Variants in ZNF627 observed in about 807,000 individuals in gnomAD.
ZNF627 encodes zinc finger protein 627.
ZNF627 carries 12 observed loss-of-function variants against 10.6 expected under a neutral mutation model. The ratio of observed to expected loss-of-function variants is 1.13; its 90% CI spans 0.73 to 1.84. The LOEUF is 1.84. ZNF627 is among the 40% of genes most tolerant of loss of function. ZNF627 has a pLI of 0.00. For missense variants in ZNF627, 504 were observed against 568.4 expected, an observed-to-expected ratio of 0.89 and a Z score of 1.15; for synonymous variants, 176 against 187.1, an observed-to-expected ratio of 0.94 and a Z score of 0.48.
Position 11,598,933 on chromosome 19 carries a change from A to G in ZNF627, c.3+1303A>G, listed in dbSNP as rs562652711. ...GCCATGGCTCATGTCTGTAATCCCA[A>G]CACTTTGGGAGGCCAAGGCGGGAGG... On this transcript the variant is annotated intron_variant, in intron 1 of 3. Coordinates refer to ENST00000361113, the MANE Select transcript of ZNF627 (RefSeq NM_145295.4). Among the ~76,000 whole-genome samples the G allele has an allele frequency of 6.6e-5, 10 of 152,196 alleles. No individual in the cohort carries two copies. The South Asian group carries it at 1.2e-3, about 19-fold the overall frequency.
At chr19:11,615,346 A>C (rs915530918) in intron 3 of ZNF627, among the ~76,000 whole-genome samples, 1 of 149,622 alleles carries the variant, frequency 6.7e-6, no homozygotes, top group Non-Finnish European at 1.5e-5. Flanking sequence ...CACGCCTGTA[A>C]TCCCAGCACT....
chr19:11,617,510 A>G lies in ZNF627; in HGVS notation c.1007A>G (p.Lys336Arg). The G allele has an allele frequency of 6.2e-7, 1 of 1,613,754 alleles. No homozygotes were observed. The highest frequency in any genetic ancestry group is 1.7e-5 in the Admixed American group (1 of 59,990). Reference sequence around the variant, plus strand: ...AAGCACACTGGCAATGGACCTTATAAATGTAAGGTGTGTGGGAAAGCCTTT... The same window carrying G: ...AAGCACACTGGCAATGGACCTTATAGATGTAAGGTGTGTGGGAAAGCCTTT... ...MIKHTGNGPY[K>R]CKVCGKAFDF... Residue 336 changes from lysine to arginine, a missense_variant, in exon 4 of 4, where the codon AAA becomes AGA. By Grantham distance (26) the Lys-to-Arg change is conservative. Coordinates refer to ENST00000361113, the MANE Select transcript of ZNF627 (RefSeq NM_145295.4).
chr19:11,614,871 C>A lies in ZNF627; in HGVS notation c.175C>A (p.Pro59Thr). 6.2e-7 allele frequency: 1 copy of A among 1,606,624 alleles called. No homozygotes were observed. The highest frequency in any genetic ancestry group is 8.5e-7 in the Non-Finnish European group (1 of 1,177,702). Reference protein sequence around the residue: ...DQNIEDPFKIPRRNISHIPER... With the variant: ...DQNIEDPFKITRRNISHIPER... The stretch of plus-strand genomic sequence containing the variant: ...GAACATTGAAGACCCATTCAAAATT[C>A]CCAGGAGAAATATAAGGTAATTTGC... The change falls in exon 3 of 4, where the codon CCC becomes ACC. Residue 59 changes from proline to threonine, a missense_variant. Coordinates refer to ENST00000361113, the MANE Select transcript of ZNF627 (RefSeq NM_145295.4).
intron 1 of ZNF627, among the ~76,000 whole-genome samples, chr19:11,603,606 G>A (rs994565546): frequency 6.6e-6 from 1 of 151,702 alleles, no homozygotes; most frequent in African/African-American, 2.4e-5. Flanking sequence ...TCTGTTTTTT[G>A]TGGAAGTGAT....
chr19:11,617,986 C>A lies in ZNF627; in HGVS notation c.*97C>A. 1.8e-6 allele frequency: 2 copies of A among 1,087,282 alleles called. No homozygotes were observed. The highest frequency in any genetic ancestry group is 1.3e-6 in the Non-Finnish European group (1 of 778,014). 67.4% of individuals were successfully genotyped at this position (1,087,282 alleles called of 1,614,324 possible). On this transcript the variant is annotated 3_prime_UTR_variant, in exon 4 of 4. Transcript: ENST00000361113. Reference sequence around the variant, plus strand: ...TCTTTCAACTACGTGAAAGGATTCACAGTGGAGAAAGACCCTGTAAGATAA... The same window carrying A: ...TCTTTCAACTACGTGAAAGGATTCAAAGTGGAGAAAGACCCTGTAAGATAA...
intron 1 of ZNF627, among the ~76,000 whole-genome samples, chr19:11,607,027 G>A (rs1973687009): frequency 6.6e-6 from 1 of 152,182 alleles, no homozygotes; most frequent in South Asian, 2.1e-4. Flanking sequence ...GGTCTGTGAT[G>A]TGTCCTGGAG....
At chr19:11,610,151 A>G (rs1297824355) in intron 1 of ZNF627, among the ~76,000 whole-genome samples, 1 of 150,496 alleles carries the variant, frequency 6.6e-6, no homozygotes, top group Non-Finnish European at 1.5e-5. Context: ...TCCCGGGTTC[A>G]AGCAATTCTT....
At chr19:11,610,192 C>G (rs1006015254) in intron 1 of ZNF627, among the ~76,000 whole-genome samples, 8 of 151,760 alleles carry the variant, frequency 5.3e-5, no homozygotes, top group African/African-American at 9.7e-5. Context: ...TTCTTCTGAG[C>G]CCAGAAAAGG....
intron 1 of ZNF627, among the ~76,000 whole-genome samples, chr19:11,611,050 A>G (rs1195733878): frequency 6.6e-6 from 1 of 151,860 alleles, no homozygotes; most frequent in East Asian, 1.9e-4. Context: ...ACGGGGTTTT[A>G]CCATGTTGGC....
intron 1 of ZNF627, among the ~76,000 whole-genome samples, chr19:11,602,765 T>G (rs1368976978): frequency 6.6e-6 from 1 of 152,192 alleles, no homozygotes; most frequent in African/African-American, 2.4e-5. Context: ...AAATGGTATA[T>G]GAAAAAAGAC....
chr19:11,600,648 T>C (rs1973569580), intron 1 of ZNF627, among the ~76,000 whole-genome samples: 1 of 152,028 alleles, frequency 6.6e-6, no homozygotes, highest in Admixed American at 6.6e-5. Context: ...GTGTAGCAAA[T>C]AAATTGGTGA....
chr19:11,609,472 T>TATATATAC (rs1973730579), intron 1 of ZNF627, among the ~76,000 whole-genome samples: 4 of 1,520 alleles, frequency 2.6e-3, no homozygotes, highest in Non-Finnish European at 5.6e-3. Context: ...TAAAAAATTT[T>TATATATAC]ATATATATAT....
In ZNF627 at chr19:11,616,818, G is replaced by A. The variant is rs1418311288; in HGVS notation, c.315G>A (p.Val105=). Residue 105 remains valine, a synonymous_variant, in exon 4 of 4, where the codon GTG becomes GTA. Transcript: ENST00000361113. ...TPGVKPCESS[V]CGEVGMGPSS... ...GAGTAAAACCGTGTGAAAGCAGTGT[G>A]TGTGGAGAAGTTGGCATGGGTCCTT... is the stretch of plus-strand genomic sequence containing the variant. 1 of 1,614,104 alleles carries A rather than the reference G, an allele frequency of 6.2e-7. No individual in the cohort carries two copies. The highest frequency in any genetic ancestry group is 1.1e-5 in the South Asian group (1 of 91,084).
In ZNF627 at chr19:11,616,831, G is replaced by A. The variant is rs1973876090; in HGVS notation, c.328G>A (p.Gly110Ser). The A allele has an allele frequency of 6.2e-7, 1 of 1,613,930 alleles. No homozygotes were observed. Among genetic ancestry groups the A allele is most frequent in the Non-Finnish European group, 8.5e-7 (1 of 1,179,994 alleles). Residue 110 changes from glycine (G) to serine (S), a missense_variant, in exon 4 of 4, where the codon GGC (glycine) becomes AGC (serine). Gly to Ser is a moderately conservative substitution (Grantham distance 56). Coordinates refer to ENST00000361113, the MANE Select transcript of ZNF627 (RefSeq NM_145295.4). ...TGAAAGCAGTGTGTGTGGAGAAGTT[G>A]GCATGGGTCCTTCATCACTTAATAG... ...PCESSVCGEV[G>S]MGPSSLNRHI...
chr19:11,602,020 A>AAAAAAAAAAAAAAG (rs1973594646), intron 1 of ZNF627, among the ~76,000 whole-genome samples: 1 of 151,454 alleles, frequency 6.6e-6, no homozygotes, highest in Non-Finnish European at 1.5e-5. Context: ...AAAAAAAAAA[A>AAAAAAAAAAAAAAG]AAAAAAAAAA....
intron 1 of ZNF627, among the ~76,000 whole-genome samples, chr19:11,612,704 A>G (rs1973793348): frequency 1.3e-5 from 2 of 151,988 alleles, no homozygotes; most frequent in African/African-American, 4.8e-5. Flanking sequence ...TACAGGCATG[A>G]ACCACCTTGC....
intron 1 of ZNF627, among the ~76,000 whole-genome samples, chr19:11,611,646 G>A (rs1342914802): frequency 6.6e-6 from 1 of 152,178 alleles, no homozygotes; most frequent in East Asian, 1.9e-4. Context: ...TTCATGAATT[G>A]GGGTACCATC....
intron 1 of ZNF627, among the ~76,000 whole-genome samples, chr19:11,607,759 CT>C (rs1973699843): frequency 6.6e-6 from 1 of 152,172 alleles, no homozygotes; most frequent in African/African-American, 2.4e-5. Flanking sequence ...AAGTTCCAGA[CT>C]TTCCCACATC....
chr19:11,611,691 G>T (rs1457232876), intron 1 of ZNF627, among the ~76,000 whole-genome samples: 1 of 152,156 alleles, frequency 6.6e-6, no homozygotes, highest in Non-Finnish European at 1.5e-5. Flanking sequence ...CTCCCGCTGG[G>T]CGTGACAGAA....
Sources: allele counts gnomAD v4.1 joint callset (sites outside exome capture counted in the v4.1 genomes callset), GRCh38; gene constraint gnomAD v4.1.1; transcripts MANE v1.5; gene names NCBI Gene and HGNC (gene_info 2026-07-23, HGNC 2026-07-21).